The following CPNE4 variants were observed in gnomAD, a reference collection of about 807,000 sequenced individuals.
CPNE4 encodes the protein copine 4, also known as copine-4.
Under a neutral mutation model 67.9 loss-of-function variants are expected in CPNE4, and 25 were observed. The ratio of observed to expected loss-of-function variants is 0.37; its 90% CI spans 0.27 to 0.51. The LOEUF (loss-of-function observed/expected upper bound fraction) is 0.51, where lower values mean the gene tolerates loss of function less well. Ranked by LOEUF, CPNE4 falls within the 20% of genes least tolerant of loss-of-function variation. The probability of loss-of-function intolerance (pLI) is 0.93; values close to 1 mark genes in which losing one functional copy is unlikely to be tolerated. For synonymous variants in CPNE4, 242 were observed against 244.9 expected (o/e 0.99, Z 0.11); for missense variants, 464 against 690.8 (o/e 0.67, Z 3.68).
rs67407668 is a variant in CPNE4 at position 131,848,956 on chromosome 3, C to CAAAAAAAAAAAAAAA, written c.180+56293_180+56307dup. Among the ~76,000 whole-genome samples, 41 of 79,634 alleles carry CAAAAAAAAAAAAAAA rather than the reference C, an allele frequency of 5.1e-4. 5 individuals are homozygous for CAAAAAAAAAAAAAAA. Among genetic ancestry groups the CAAAAAAAAAAAAAAA allele is most frequent in the African/African-American group, 2.7e-3 (39 of 14,500 alleles). The allele number at this position is 79,634 out of a possible 152,430, so 52.2% of individuals were successfully genotyped here. On this transcript the variant is annotated intron_variant, in intron 2 of 15. Coordinates refer to ENST00000429747, the MANE Select transcript of CPNE4 (RefSeq NM_130808.3). The stretch of plus-strand genomic sequence containing the variant: ...ACTGGTGGAATGACAGTAGTGATTA[C>CAAAAAAAAAAAAAAA]AAAAAAAAAAAAAAAAAAAAAAAAA...
chr3:131,793,357 A>G lies in CPNE4; in HGVS notation c.181-69732T>C, dbSNP rs867884752. Among the ~76,000 whole-genome samples the G allele has an allele frequency of 5.9e-5, 9 of 152,240 alleles. No individual in the cohort carries two copies. The South Asian group carries it at 1.2e-3, about 21-fold the overall frequency. Reference sequence around the variant, plus strand: ...TGCTTAAAATTCTTTGTGGTTTTCTATAGTTCTTAGAAGCCAAACTTTTTC... The same window carrying G: ...TGCTTAAAATTCTTTGTGGTTTTCTGTAGTTCTTAGAAGCCAAACTTTTTC... On this transcript the variant is annotated intron_variant, in intron 2 of 15. Transcript: ENST00000429747.
intron 7 of CPNE4, among the ~76,000 whole-genome samples, chr3:131,612,163 C>T (rs1939879065): frequency 6.6e-6 from 1 of 152,044 alleles, no homozygotes; most frequent in East Asian, 1.9e-4. Flanking sequence ...CACTTGAGGT[C>T]AGGAGTTCAA....
chr3:131,705,098 C>CTCTTCTTTCCCT, intron 3 of CPNE4, among the ~76,000 whole-genome samples: 1 of 151,344 alleles, frequency 6.6e-6, no homozygotes, highest in African/African-American at 2.4e-5. Flanking sequence ...ACTCTTCCTC[C>CTCTTCTTTCCCT]TCACTTGCTC....
intron 2 of CPNE4, among the ~76,000 whole-genome samples, chr3:131,735,040 C>CT (rs1176681238): frequency 1.9e-4 from 29 of 152,180 alleles, no homozygotes; most frequent in African/African-American, 6.8e-4. Flanking sequence ...CACAGCGTGC[C>CT]TACAAGGTCT....
chr3:131,785,049 G>A (rs1298223612), intron 2 of CPNE4, among the ~76,000 whole-genome samples: 3 of 152,104 alleles, frequency 2.0e-5, no homozygotes, highest in Non-Finnish European at 4.4e-5. Context: ...GTCTATATGT[G>A]TAGAATGGAG....
intron 2 of CPNE4, among the ~76,000 whole-genome samples, chr3:131,866,297 G>A (rs948917824): frequency 2.0e-5 from 3 of 152,224 alleles, no homozygotes; most frequent in African/African-American, 7.2e-5. Context: ...GAATTCCGGA[G>A]CAAGGAAGTT....
intron 1 of CPNE4, among the ~76,000 whole-genome samples, chr3:131,983,995 G>A (rs902175476): frequency 2.6e-5 from 4 of 152,158 alleles, no homozygotes; most frequent in Admixed American, 1.3e-4. Flanking sequence ...CCTGCCAAAA[G>A]CAACCAGAAG....
At chr3:132,032,062 C>T (rs953473693) in intron 1 of CPNE4, among the ~76,000 whole-genome samples, 8 of 152,146 alleles carry the variant, frequency 5.3e-5, no homozygotes, top group Admixed American at 4.6e-4. Context: ...ACCTCTAAAA[C>T]CAGAGTCCCC....
upstream of CPNE4, chr3:132,035,038 G>A (rs1422475113): frequency 7.1e-6 from 7 of 985,430 alleles, no homozygotes; most frequent in Non-Finnish European, 8.4e-6. Context: ...CCAGCAACCC[G>A]GCAAGAGACT....
intron 1 of CPNE4, among the ~76,000 whole-genome samples, chr3:131,952,683 C>G (rs1301073641): frequency 6.6e-6 from 1 of 150,834 alleles, no homozygotes; most frequent in Non-Finnish European, 1.5e-5. Flanking sequence ...TCTGCCCGGC[C>G]GCCCCTACTG....
chr3:131,662,204 C>T (rs1290326794), intron 7 of CPNE4, among the ~76,000 whole-genome samples: 8 of 152,106 alleles, frequency 5.3e-5, no homozygotes. Flanking sequence ...GGGGGAAGTT[C>T]CGAGGCAAAC....
At chr3:131,813,484 T>C (rs1376598232) in intron 2 of CPNE4, among the ~76,000 whole-genome samples, 14 of 149,066 alleles carry the variant, frequency 9.4e-5, no homozygotes, top group Non-Finnish European at 2.1e-4. Flanking sequence ...TATGTATTTA[T>C]TTAAAATATA....
chr3:131,821,005 C>T (rs546288347), intron 2 of CPNE4, among the ~76,000 whole-genome samples: 1 of 152,256 alleles, frequency 6.6e-6, no homozygotes, highest in African/African-American at 2.4e-5. Flanking sequence ...TTTGGAAAGA[C>T]ATATCTTGCC....
intron 1 of CPNE4, among the ~76,000 whole-genome samples, chr3:131,938,263 C>T (rs755686350): frequency 1.3e-5 from 2 of 151,482 alleles, no homozygotes; most frequent in Non-Finnish European, 2.9e-5. Flanking sequence ...AGGCTGAGAT[C>T]GGAGGATCAC....
chr3:132,005,553 G>C (rs1332687463), intron 1 of CPNE4, among the ~76,000 whole-genome samples: 2 of 151,644 alleles, frequency 1.3e-5, no homozygotes, highest in Non-Finnish European at 2.9e-5. Flanking sequence ...AGGACCAGCT[G>C]ACATTCATCT....
chr3:131,951,607 T>G (rs960539149), intron 1 of CPNE4, among the ~76,000 whole-genome samples: 72 of 152,116 alleles, frequency 4.7e-4, no homozygotes, highest in African/African-American at 1.6e-3. Flanking sequence ...CTCCCTCTGA[T>G]GCCGAGCAGA....
chr3:131,832,273 T>C (rs1583288586), intron 2 of CPNE4, among the ~76,000 whole-genome samples: 1 of 152,318 alleles, frequency 6.6e-6, no homozygotes, highest in East Asian at 1.9e-4. Flanking sequence ...GAGGAAAACC[T>C]GTCAGATTTA....
chr3:131,712,216 T>A (rs1263908865), intron 3 of CPNE4, among the ~76,000 whole-genome samples: 1 of 152,236 alleles, frequency 6.6e-6, no homozygotes, highest in Non-Finnish European at 1.5e-5. Context: ...GCCTAACATT[T>A]ATTATAATAT....
chr3:131,855,334 A>C (rs1349789999), intron 2 of CPNE4, among the ~76,000 whole-genome samples: 1 of 151,948 alleles, frequency 6.6e-6, no homozygotes, highest in Non-Finnish European at 1.5e-5. Context: ...TAGCAATGGA[A>C]TTGTGCCCAC....
Sources: gnomAD v4.1 joint callset for allele counts (sites outside exome capture counted in the v4.1 genomes callset) on GRCh38, gnomAD v4.1.1 for gene constraint, MANE v1.5 for transcripts, NCBI Gene and HGNC (gene_info 2026-07-23, HGNC 2026-07-21) for gene names.